MFAP3L: variants seen among roughly 807,000 people sequenced by gnomAD.
MFAP3L encodes microfibrillar-associated protein 3-like.
In MFAP3L, 5 loss-of-function variants were observed where a neutral mutation model predicts 20.0. The ratio of observed to expected loss-of-function variants is 0.25; its 90% CI spans 0.13 to 0.53. The LOEUF is 0.53. Ranked by LOEUF, MFAP3L falls within the 20% of genes least tolerant of loss-of-function variation. MFAP3L has a pLI of 0.96. For synonymous variants in MFAP3L, 219 were observed against 213.0 expected, an observed-to-expected ratio of 1.03 and a Z score of -0.25; for missense variants, 409 against 527.5, an observed-to-expected ratio of 0.78 and a Z score of 2.20.
intron 1 of MFAP3L, among the ~76,000 whole-genome samples, chr4:170,017,442 C>T (rs4692785): frequency 0.45 from 67,732 of 151,934 alleles, 15,356 homozygotes; most frequent in East Asian, 0.71. Flanking sequence ...AGCCTCAGCA[C>T]CACTCTAAGG....
At chr4:170,016,142 T>C (rs1283475997) in intron 1 of MFAP3L, among the ~76,000 whole-genome samples, 1 of 152,250 alleles carries the variant, frequency 6.6e-6, no homozygotes, top group Non-Finnish European at 1.5e-5. Context: ...AATCTGTGCA[T>C]GGAGAATGTC....
intron 1 of MFAP3L, among the ~76,000 whole-genome samples, chr4:170,022,674 T>C (rs1240717376): frequency 1.3e-5 from 2 of 152,150 alleles, no homozygotes; most frequent in Non-Finnish European, 2.9e-5. Flanking sequence ...CAAAGGTTCT[T>C]TCACGTGAAA....
intron 2 of MFAP3L, chr4:169,994,149 T>C (rs1463093340): frequency 3.1e-6 from 3 of 981,816 alleles, no homozygotes; most frequent in Non-Finnish European, 2.4e-6. Flanking sequence ...AGAGAAGACA[T>C]TGGGTTCTAG....
At chr4:170,013,567 G>A (rs989556534) in intron 1 of MFAP3L, among the ~76,000 whole-genome samples, 5 of 151,994 alleles carry the variant, frequency 3.3e-5, no homozygotes, top group Admixed American at 1.3e-4. Flanking sequence ...TATTGCATAC[G>A]GTCATGCAAT....
At chr4:169,997,724 C>A (rs1234319318) in intron 2 of MFAP3L, 2 of 984,830 alleles carry the variant, frequency 2.0e-6, no homozygotes, top group African/African-American at 3.5e-5. Flanking sequence ...CCCGGTAGCT[C>A]ACGGCCCTTC....
intron 1 of MFAP3L, among the ~76,000 whole-genome samples, chr4:170,024,308 C>T (rs1157355077): frequency 6.6e-6 from 1 of 152,050 alleles, no homozygotes; most frequent in Non-Finnish European, 1.5e-5. Context: ...ATTTGTGGAT[C>T]GAGAAGGGGG....
At chr4:170,024,033 C>T (rs1219051932) in intron 1 of MFAP3L, among the ~76,000 whole-genome samples, 2 of 152,148 alleles carry the variant, frequency 1.3e-5, no homozygotes. Context: ...AAATCACGTG[C>T]CTAGCAAGTG....
chr4:169,993,232 G>A (rs1237725766), intron 2 of MFAP3L, among the ~76,000 whole-genome samples: 2 of 152,156 alleles, frequency 1.3e-5, no homozygotes, highest in East Asian at 3.9e-4. Context: ...CGTGGCTTCA[G>A]GGTGTTAGGT....
chr4:170,003,586 T>C (rs7694808), intron 2 of MFAP3L: 312,215 of 663,528 alleles, frequency 0.47, 79,403 homozygotes, highest in East Asian at 0.93. Flanking sequence ...CAGGCCCCAG[T>C]GCTATGCTAT....
intron 2 of MFAP3L, 130 bp downstream of exon 2, chr4:170,005,450 C>G (rs1380092579): frequency 9.4e-7 from 1 of 1,067,908 alleles, no homozygotes; most frequent in African/African-American, 1.6e-5. Context: ...ATATTCTCTC[C>G]TGCCTTAGAA....
chr4:170,026,142 G>C (rs1397180868), intron 1 of MFAP3L, 92 bp downstream of exon 1: 1 of 752,554 alleles, frequency 1.3e-6, no homozygotes, highest in Non-Finnish European at 1.6e-6. Context: ...CGAAAGTTCG[G>C]CGGCCCCGGC....
At chr4:170,002,851 A>C (rs1560977033) in intron 2 of MFAP3L, among the ~76,000 whole-genome samples, 1 of 151,874 alleles carries the variant, frequency 6.6e-6, no homozygotes, top group Non-Finnish European at 1.5e-5. Context: ...ATTTAAAAAA[A>C]AAAACAAAAA....
At chr4:170,012,899 C>T (rs1370112509) in intron 1 of MFAP3L, among the ~76,000 whole-genome samples, 1 of 152,160 alleles carries the variant, frequency 6.6e-6, no homozygotes, top group East Asian at 1.9e-4. Flanking sequence ...GAGAGGGGTA[C>T]CACATTATTA....
chr4:170,010,699 T>C (rs751084340), intron 1 of MFAP3L, among the ~76,000 whole-genome samples: 2 of 152,156 alleles, frequency 1.3e-5, no homozygotes, highest in African/African-American at 2.4e-5. Flanking sequence ...ATACAAAATA[T>C]GTGTTAATGA....
At position 170,002,353 on chromosome 4, in the gene MFAP3L, G is replaced by A. The variant is rs529402704; in HGVS notation, c.298+3227C>T. The stretch of plus-strand genomic sequence containing the variant: ...ACATGAGGATTAATAACACTTCACT[G>A]TAGGGCTTATTATAAGGATTAGAAA... On this transcript the variant is annotated intron_variant, in intron 2 of 2. Transcript: ENST00000361618. 3.8e-5 allele frequency: 23 copies of A among 601,658 alleles called. No individual in the cohort carries two copies. The South Asian group carries it at 1.3e-3, about 35-fold the overall frequency. 37.3% of individuals were successfully genotyped at this position (601,658 alleles called of 1,614,324 possible).
chr4:170,009,791 T>TC (rs1319128341), intron 1 of MFAP3L, among the ~76,000 whole-genome samples: 1 of 152,238 alleles, frequency 6.6e-6, no homozygotes, highest in Non-Finnish European at 1.5e-5. Flanking sequence ...TCCTATTTCT[T>TC]CTTTTTCCAC....
intron 1 of MFAP3L, among the ~76,000 whole-genome samples, chr4:170,020,558 G>A (rs974798967): frequency 1.3e-5 from 2 of 151,678 alleles, no homozygotes; most frequent in African/African-American, 2.4e-5. Context: ...GCAGGACCTA[G>A]GTGATTCTTC....
rs916930060 is a variant in MFAP3L, at chr4:170,026,357, C to T, written c.-257G>A. The T allele has an allele frequency of 2.2e-6, 2 of 904,608 alleles. No individual in the cohort carries two copies. Among genetic ancestry groups the T allele is most frequent in the African/African-American group, 3.6e-5 (2 of 55,436 alleles). 56.0% of individuals were successfully genotyped at this position (904,608 alleles called of 1,614,324 possible). The stretch of plus-strand genomic sequence containing the variant: ...GCGCCTACTGCGGGCGAGCCGCCTC[C>T]GCCGGCGCCTCACAGCGTTGCGAGC... On this transcript the variant is annotated 5_prime_UTR_variant, in exon 1 of 3. Coordinates refer to ENST00000361618, the MANE Select transcript of MFAP3L (RefSeq NM_021647.8).
intron 2 of MFAP3L, among the ~76,000 whole-genome samples, chr4:169,995,539 C>T (rs779017659): frequency 6.6e-5 from 10 of 152,178 alleles, no homozygotes; most frequent in Non-Finnish European, 1.2e-4. Context: ...GAAGAATCTC[C>T]ATCCACACGG....
Sources: allele counts gnomAD v4.1 joint callset (sites outside exome capture counted in the v4.1 genomes callset), GRCh38; gene constraint gnomAD v4.1.1; transcripts MANE v1.5; gene names NCBI Gene and HGNC (gene_info 2026-07-23, HGNC 2026-07-21).